The following ADIPOR2 variants were observed in gnomAD, a reference collection of about 807,000 sequenced individuals.
ADIPOR2 encodes the protein adiponectin receptor 2, also known as adiponectin receptor protein 2.
ADIPOR2 carries 18 observed loss-of-function variants against 40.9 expected under a neutral mutation model. That is an observed-to-expected ratio of 0.44 (90% confidence interval 0.30 to 0.65). The LOEUF (loss-of-function observed/expected upper bound fraction) is 0.65, where lower values mean the gene tolerates loss of function less well. ADIPOR2 is among the 30% of genes least tolerant of loss of function. The pLI is 0.09. For missense variants in ADIPOR2, 283 were observed against 479.2 expected (o/e 0.59, Z 3.82); for synonymous variants, 165 against 166.4 (o/e 0.99, Z 0.06).
chr12:1,763,566 A>T (rs948089201), intron 2 of ADIPOR2, among the ~76,000 whole-genome samples: 5 of 150,002 alleles, frequency 3.3e-5, no homozygotes, highest in Admixed American at 2.6e-4. Flanking sequence ...CAAAAGGACA[A>T]AGTTAATCTT....
intron 3 of ADIPOR2, among the ~76,000 whole-genome samples, chr12:1,777,473 G>A (rs1030146809): frequency 7.5e-6 from 1 of 134,138 alleles, no homozygotes; most frequent in Non-Finnish European, 1.5e-5. Flanking sequence ...CACAACCTCC[G>A]CCTCCCGGGT....
At chr12:1,749,227 G>A (rs2094763669) in intron 1 of ADIPOR2, among the ~76,000 whole-genome samples, 3 of 152,182 alleles carry the variant, frequency 2.0e-5, no homozygotes, top group African/African-American at 7.2e-5. Flanking sequence ...TGTGTGTTCA[G>A]CTGTCTTGAA....
intron 1 of ADIPOR2, among the ~76,000 whole-genome samples, chr12:1,744,307 C>T (rs1364486194): frequency 2.0e-5 from 3 of 151,902 alleles, no homozygotes; most frequent in South Asian, 2.1e-4. Flanking sequence ...GGTTTCACCA[C>T]GTTAGCCAGA....
At chr12:1,691,805 G>A (rs1326138259) in intron 1 of ADIPOR2, among the ~76,000 whole-genome samples, 1 of 152,096 alleles carries the variant, frequency 6.6e-6, no homozygotes, top group Non-Finnish European at 1.5e-5. Context: ...AGTTTTTAGG[G>A]GGCTCGGAGA....
chr12:1,702,508 T>TA (rs1261237181), intron 1 of ADIPOR2, among the ~76,000 whole-genome samples: 1 of 152,198 alleles, frequency 6.6e-6, no homozygotes, highest in African/African-American at 2.4e-5. Context: ...TGTGAAATGT[T>TA]ACCACATTGT....
At chr12:1,697,093 A>G (rs2094640718) in intron 1 of ADIPOR2, 1 of 152,258 alleles carries the variant, frequency 6.6e-6, no homozygotes, top group African/African-American at 2.4e-5. Context: ...TAGAGGGCTT[A>G]TGAATTTCTG....
At chr12:1,776,938 A>C (rs1862607349) in intron 3 of ADIPOR2, among the ~76,000 whole-genome samples, 1 of 152,206 alleles carries the variant, frequency 6.6e-6, no homozygotes, top group African/African-American at 2.4e-5. Context: ...GCTATTTTAC[A>C]AATGAAGGAG....
At chr12:1,773,414 C>A (rs1176923217) in intron 3 of ADIPOR2, among the ~76,000 whole-genome samples, 1 of 152,038 alleles carries the variant, frequency 6.6e-6, no homozygotes, top group African/African-American at 2.4e-5. Flanking sequence ...TTTCCAGTTT[C>A]CATGTACATC....
intron 1 of ADIPOR2, among the ~76,000 whole-genome samples, chr12:1,749,566 A>G (rs1175830879): frequency 2.0e-5 from 3 of 152,080 alleles, no homozygotes; most frequent in Admixed American, 6.5e-5. Context: ...CTGTTCTGTT[A>G]CTCTATGTGT....
chr12:1,741,088 A>G (rs1024933331), intron 1 of ADIPOR2, among the ~76,000 whole-genome samples: 2 of 152,122 alleles, frequency 1.3e-5, no homozygotes, highest in African/African-American at 4.8e-5. Context: ...TTATAAGTTG[A>G]GGTTGGAGAG....
rs570413496 is a variant in ADIPOR2 at position 1,715,517 on chromosome 12, C to G, written c.-87+24326C>G. Among the ~76,000 whole-genome samples the G allele has an allele frequency of 8.7e-4, 132 of 152,280 alleles. 1 individual carries two copies. The highest frequency in any genetic ancestry group is 3.1e-3 in the African/African-American group (128 of 41,506). On this transcript the variant is annotated intron_variant, in intron 1 of 7. Coordinates refer to ENST00000357103, the MANE Select transcript of ADIPOR2 (RefSeq NM_024551.3). ...GTTTGTTCCCCGCTACCCTCTCAAC[C>G]CCGAGTTATCGTGGCTTTAAAAACC...
chr12:1,712,464 T>TAA (rs755243592), intron 1 of ADIPOR2, among the ~76,000 whole-genome samples: 3 of 152,146 alleles, frequency 2.0e-5, no homozygotes, highest in African/African-American at 4.8e-5. Flanking sequence ...CTGCTGCAAC[T>TAA]ACACGTAAAC....
intron 1 of ADIPOR2, among the ~76,000 whole-genome samples, chr12:1,705,565 A>C (rs781444075): frequency 2.0e-5 from 3 of 152,360 alleles, no homozygotes; most frequent in Non-Finnish European, 4.4e-5. Flanking sequence ...TTTTGTGTTT[A>C]GACTTGGGTT....
intron 1 of ADIPOR2, among the ~76,000 whole-genome samples, chr12:1,694,976 C>T (rs1292796691): frequency 6.8e-6 from 1 of 147,312 alleles, no homozygotes. Context: ...ATTTATTGGT[C>T]TATAGTTTAC....
intron 2 of ADIPOR2, among the ~76,000 whole-genome samples, chr12:1,754,716 A>ACTACTG (rs1862082575): frequency 1.3e-5 from 1 of 78,182 alleles, no homozygotes; most frequent in Non-Finnish European, 2.9e-5. Context: ...TACTACTACT[A>ACTACTG]CTACTACTAC....
rs1023651892 is a variant in ADIPOR2, at chr12:1,787,952, A to G, written c.*1880A>G. On this transcript the variant is annotated 3_prime_UTR_variant, in exon 8 of 8. Coordinates refer to ENST00000357103, the MANE Select transcript of ADIPOR2 (RefSeq NM_024551.3). ...TGGATGAACTGGTGCAGTGCCTGACAGAATAAAGAACAGTATTAATCCCTT... is the reference window on the plus strand; with the variant it reads ...TGGATGAACTGGTGCAGTGCCTGACGGAATAAAGAACAGTATTAATCCCTT... 1 of 152,714 alleles carries G rather than the reference A, an allele frequency of 6.5e-6. No homozygotes were observed. Among genetic ancestry groups the G allele is most frequent in the African/African-American group, 2.4e-5 (1 of 41,464 alleles). The allele number at this position is 152,714 out of a possible 1,614,324, so 9.5% of individuals were successfully genotyped here.
At chr12:1,704,899 A>G (rs2094658985) in intron 1 of ADIPOR2, among the ~76,000 whole-genome samples, 1 of 152,154 alleles carries the variant, frequency 6.6e-6, no homozygotes, top group Admixed American at 6.5e-5. Flanking sequence ...AGTAGAATTG[A>G]GCAATATTGA....
chr12:1,704,583 C>G (rs886283774), intron 1 of ADIPOR2, among the ~76,000 whole-genome samples: 1 of 152,278 alleles, frequency 6.6e-6, no homozygotes, highest in African/African-American at 2.4e-5. Flanking sequence ...CTTGAGCATA[C>G]TTAAATGTAT....
intron 2 of ADIPOR2, among the ~76,000 whole-genome samples, chr12:1,758,649 G>A (rs925267629): frequency 6.6e-6 from 1 of 152,176 alleles, no homozygotes; most frequent in Non-Finnish European, 1.5e-5. Context: ...GAGAACTGCA[G>A]TTTTGAGACT....
Sources: allele counts gnomAD v4.1 joint callset (sites outside exome capture counted in the v4.1 genomes callset), GRCh38; gene constraint gnomAD v4.1.1; transcripts MANE v1.5; gene names NCBI Gene and HGNC (gene_info 2026-07-23, HGNC 2026-07-21).